Variants in ADGRV1 observed in about 807,000 individuals in gnomAD.
The protein encoded by ADGRV1 is G-protein coupled receptor 98.
Under a neutral mutation model 596.2 loss-of-function variants are expected in ADGRV1, and 359 were observed. The ratio of observed to expected loss-of-function variants is 0.60; its 90% CI spans 0.55 to 0.66. ADGRV1 has a LOEUF of 0.66. Ranked by LOEUF, ADGRV1 falls within the 30% of genes least tolerant of loss-of-function variation. The probability of loss-of-function intolerance (pLI) is 0.00; values close to 1 mark genes in which losing one functional copy is unlikely to be tolerated. For synonymous variants in ADGRV1, 2,681 were observed against 2,679.2 expected (o/e 1.00, Z -0.02); for missense variants, 7,274 against 7,575.6 (o/e 0.96, Z 1.48).
intron 1 of ADGRV1, among the ~76,000 whole-genome samples, chr5:90,605,403 G>T (rs541917752): frequency 5.3e-4 from 75 of 140,454 alleles, no homozygotes; most frequent in Non-Finnish European, 1.0e-3. Context: ...GATAGAGCGA[G>T]ACTACGTCTT....
intron 53 of ADGRV1, 50 bp from the exon 54 acceptor site, chr5:90,753,524 C>T (rs1417230680): frequency 7.4e-7 from 1 of 1,356,842 alleles, no homozygotes; most frequent in Non-Finnish European, 1.0e-6. Context: ...ATTCTTACTA[C>T]ATAGTGACAA....
At position 90,708,849 on chromosome 5, in the gene ADGRV1, G is replaced by T; in HGVS notation, c.8764G>T (p.Val2922Leu). The change falls in exon 39 of 90, where the codon GTG (valine) becomes TTG (leucine). Residue 2922 changes from valine (V) to leucine (L), a missense_variant. Physicochemically the swap from Val to Leu is conservative, Grantham distance 32. Transcript: ENST00000405460. ...DVPELEEYFLVNLTYVGLTMA... is the reference protein window; with the variant it reads ...DVPELEEYFLLNLTYVGLTMA... ...ACCAGAGCTAGAAGAATATTTCCTG[G>T]TGAATTTAACTTACGTTGGACTTAC... 1 of 1,612,104 alleles carries T rather than the reference G, an allele frequency of 6.2e-7. No homozygotes were observed. The highest frequency in any genetic ancestry group is 1.1e-5 in the South Asian group (1 of 90,930).
chr5:90,816,243 GT>G (rs1330513373), intron 75 of ADGRV1, among the ~76,000 whole-genome samples: 17 of 151,872 alleles, frequency 1.1e-4, no homozygotes, highest in African/African-American at 4.1e-4. Flanking sequence ...TGGAAGTGTT[GT>G]TTCTTTAGAA....
Position 90,789,756 on chromosome 5 carries a change from T to C in ADGRV1, c.13948T>C (p.Ser4650Pro). Residue 4650 changes from serine to proline, a missense_variant, in exon 69 of 90, where the codon TCT (serine) becomes CCT (proline). By Grantham distance (74) the Ser-to-Pro change is moderately conservative. This residue lies in a region of ADGRV1 where 3,643 missense variants were observed against 3,809.2 expected (regional missense o/e 0.96). Transcript: ENST00000405460. ...TGTTCAGTTTGCTCCTGAAACTTTG[T>C]CTAAGAAGACTTATTCAGAGCCTCT... is the stretch of plus-strand genomic sequence containing the variant. ...GVVQFAPETL[S>P]KKTYSEPLAL... The C allele has an allele frequency of 1.3e-6, 2 of 1,559,652 alleles. No homozygotes were observed. Among genetic ancestry groups the C allele is most frequent in the Non-Finnish European group, 1.7e-6 (2 of 1,149,660 alleles).
chr5:91,099,213 T>TTGTG (rs1273721500), intron 86 of ADGRV1, among the ~76,000 whole-genome samples: 1 of 152,176 alleles, frequency 6.6e-6, no homozygotes, highest in East Asian at 1.9e-4. Flanking sequence ...TTTGTATATA[T>TTGTG]TGTGATGAAG....
At chr5:90,568,598 A>G (rs1755962477) in intron 1 of ADGRV1, among the ~76,000 whole-genome samples, 1 of 152,090 alleles carries the variant, frequency 6.6e-6, no homozygotes, top group African/African-American at 2.4e-5. Context: ...TTGTGGGGTG[A>G]AGTGTTCTAT....
chr5:90,836,778 A>C (rs531222476), intron 77 of ADGRV1, among the ~76,000 whole-genome samples: 1 of 152,330 alleles, frequency 6.6e-6, no homozygotes, highest in Non-Finnish European at 1.5e-5. Flanking sequence ...ACTGCATGTA[A>C]ATCTGCAATT....
chr5:90,622,054 C>T (rs1470210717), intron 4 of ADGRV1, among the ~76,000 whole-genome samples: 2 of 152,200 alleles, frequency 1.3e-5, no homozygotes, highest in African/African-American at 2.4e-5. Context: ...TGTTCCTCCT[C>T]TTCTACCCTG....
chr5:90,670,560 G>A (rs917101563), intron 21 of ADGRV1, among the ~76,000 whole-genome samples: 2 of 152,116 alleles, frequency 1.3e-5, no homozygotes, highest in African/African-American at 4.8e-5. Flanking sequence ...CTCAACAACC[G>A]TGAAATCAGA....
chr5:90,668,488 C>A (rs973358703), intron 21 of ADGRV1, among the ~76,000 whole-genome samples: 4 of 152,058 alleles, frequency 2.6e-5, no homozygotes, highest in African/African-American at 9.7e-5. Context: ...GTGCGCGCAC[C>A]CACTGACCTG....
intron 75 of ADGRV1, among the ~76,000 whole-genome samples, chr5:90,817,833 G>A (rs1006874944): frequency 2.0e-5 from 3 of 152,166 alleles, no homozygotes; most frequent in African/African-American, 7.2e-5. Context: ...AGTATAGTTT[G>A]AAATCAGGTA....
chr5:91,100,196 C>T (rs1019504501), intron 86 of ADGRV1, among the ~76,000 whole-genome samples: 2 of 152,118 alleles, frequency 1.3e-5, no homozygotes, highest in African/African-American at 2.4e-5. Context: ...CCAAGGCATG[C>T]GGATCGCTTG....
chr5:90,665,556 A>G, intron 21 of ADGRV1, among the ~76,000 whole-genome samples: 1 of 151,284 alleles, frequency 6.6e-6, no homozygotes, highest in Non-Finnish European at 1.5e-5. Context: ...GATCCTTTCA[A>G]AAAACCAGCT....
chr5:90,939,483 A>C (rs1561973039), intron 83 of ADGRV1, among the ~76,000 whole-genome samples: 1 of 152,224 alleles, frequency 6.6e-6, no homozygotes, highest in Non-Finnish European at 1.5e-5. Context: ...CTAGGCTCAC[A>C]GCTGACTTTC....
In ADGRV1 at chr5:90,755,084, G is replaced by T; in HGVS notation, c.11479G>T (p.Asp3827Tyr). 1 of 1,609,560 alleles carries T rather than the reference G, an allele frequency of 6.2e-7. No homozygotes were observed. Among genetic ancestry groups the T allele is most frequent in the Non-Finnish European group, 8.5e-7 (1 of 1,176,062 alleles). The change falls in exon 55 of 90, where the codon GAT becomes TAT. Residue 3827 changes from aspartate to tyrosine, a missense_variant. By Grantham distance (160) the Asp-to-Tyr change is radical (BLOSUM62 -3). This residue lies in a region of ADGRV1 where 3,643 missense variants were observed against 3,809.2 expected (regional missense o/e 0.96). Coordinates refer to ENST00000405460, the MANE Select transcript of ADGRV1 (RefSeq NM_032119.4). ...TCAACCCAATTTCTTACTGCATGTC[G>T]ATAATCAAGCTACTGAGAATGAAGA... is the stretch of plus-strand genomic sequence containing the variant. The part of the protein sequence containing the change: ...RAQPNFLLHV[D>Y]NQATENEDYV...
intron 85 of ADGRV1, among the ~76,000 whole-genome samples, chr5:91,060,852 G>T (rs2151352657): frequency 6.6e-6 from 1 of 152,294 alleles, no homozygotes; most frequent in African/African-American, 2.4e-5. Context: ...GTGTAATGTG[G>T]CTACTGTTCT....
chr5:90,789,575 G>A (rs759091632), intron 68 of ADGRV1, 127 bp from the exon 69 acceptor site: 13 of 546,962 alleles, frequency 2.4e-5, no homozygotes, highest in Non-Finnish European at 4.0e-5. Flanking sequence ...GCTAAGTAGA[G>A]TATATTCAAG....
intron 85 of ADGRV1, among the ~76,000 whole-genome samples, chr5:91,038,171 G>A (rs1405313923): frequency 1.3e-5 from 2 of 152,080 alleles, no homozygotes; most frequent in East Asian, 1.9e-4. Flanking sequence ...CAATATTCTG[G>A]GTAGAAGGAA....
At position 90,692,712 on chromosome 5, in the gene ADGRV1, C is replaced by A; in HGVS notation, c.7059C>A (p.Ala2353=). 4.3e-6 allele frequency: 7 copies of A among 1,609,986 alleles called. No homozygotes were observed. The highest frequency in any genetic ancestry group is 5.9e-6 in the Non-Finnish European group (7 of 1,178,138). Residue 2353 remains alanine, a synonymous_variant, in exon 32 of 90, where the codon GCC becomes GCA. Transcript: ENST00000405460. ...PANDDPYGTV[A]FAQMVYRVQE... The stretch of plus-strand genomic sequence containing the variant: ...ATGATGATCCTTATGGTACAGTAGC[C>A]TTTGCTCAGATGGTTTATCGTGTTC...
Sources: allele counts gnomAD v4.1 joint callset (sites outside exome capture counted in the v4.1 genomes callset), GRCh38; gene constraint gnomAD v4.1.1; regional missense constraint gnomAD v4.1.1; transcripts MANE v1.5; gene names NCBI Gene and HGNC (gene_info 2026-07-23, HGNC 2026-07-21).